Variants in UBE2H observed in about 807,000 individuals in gnomAD.
UBE2H encodes the protein ubiquitin-conjugating enzyme E2 H.
In UBE2H, 3 loss-of-function variants were observed where a neutral mutation model predicts 29.0. The ratio of observed to expected loss-of-function variants is 0.10; its 90% CI spans 0.05 to 0.27. The LOEUF (loss-of-function observed/expected upper bound fraction) is 0.27. UBE2H is among the 10% of genes least tolerant of loss of function. The pLI, the probability that UBE2H is intolerant of heterozygous loss-of-function variation, is 1.00. For synonymous variants in UBE2H, 69 were observed against 82.9 expected, an observed-to-expected ratio of 0.83 and a Z score of 0.91; for missense variants, 68 against 228.2, an observed-to-expected ratio of 0.30 and a Z score of 4.52.
At chr7:129,935,803 A>C (rs563298774) in intron 1 of UBE2H, among the ~76,000 whole-genome samples, 116 of 152,322 alleles carry the variant, frequency 7.6e-4, no homozygotes, top group Non-Finnish European at 1.1e-3. Context: ...GAAAAGTAGT[A>C]TCCTCTCAAC....
rs1307291004 is a variant in UBE2H, at chr7:129,934,941, A to ATG, written c.53+17561_53+17562insCA. On this transcript the variant is annotated intron_variant, in intron 1 of 6. Transcript: ENST00000355621. ...TGTGTATATATATGTGTATATATATATATATGTGTGTGTGTGTATATATAT... is the reference window on the plus strand; with the variant it reads ...TGTGTATATATATGTGTATATATATATGTATATGTGTGTGTGTGTATATATAT... 2.7e-3 allele frequency among the ~76,000 whole-genome samples: 401 copies of ATG among 149,970 alleles called. 1 individual carries two copies. Among genetic ancestry groups the ATG allele is most frequent in the African/African-American group, 9.2e-3 (375 of 40,672 alleles).
intron 1 of UBE2H, among the ~76,000 whole-genome samples, chr7:129,937,278 G>A (rs1027368493): frequency 9.9e-5 from 15 of 151,776 alleles, no homozygotes; most frequent in East Asian, 1.9e-4. Context: ...GCAGTGAGCC[G>A]AGATCACACA....
At chr7:129,839,421 T>A in intron 5 of UBE2H, 86 bp from the exon 6 acceptor site, 3 of 1,570,936 alleles carry the variant, frequency 1.9e-6, no homozygotes, top group Non-Finnish European at 2.6e-6. Context: ...CTGCTTACCT[T>A]CTTAGATATT....
chr7:129,879,661 T>A lies in UBE2H; in HGVS notation c.131-19A>T, dbSNP rs780236298. 3.0e-5 allele frequency: 48 copies of A among 1,600,652 alleles called. No homozygotes were observed. The highest frequency in any genetic ancestry group is 4.1e-5 in the Non-Finnish European group (48 of 1,170,662). On this transcript the variant is annotated intron_variant, in intron 2 of 6. Coordinates refer to ENST00000355621, the MANE Select transcript of UBE2H (RefSeq NM_003344.4). ...TATGGTGCTGAAATAAAAGTAAAAA[T>A]GTTCATCAGAACTACATCTCCAAAT...
chr7:129,883,387 G>A (rs185305007), intron 1 of UBE2H, among the ~76,000 whole-genome samples: 7 of 152,216 alleles, frequency 4.6e-5, no homozygotes, highest in South Asian at 2.1e-4. Context: ...CCGGAGATAC[G>A]CCCAATACAT....
rs1335276981 is a variant in UBE2H, at chr7:129,833,003, T to C, written c.*1934A>G. On this transcript the variant is annotated 3_prime_UTR_variant, in exon 7 of 7. Coordinates refer to ENST00000355621, the MANE Select transcript of UBE2H (RefSeq NM_003344.4). ...GGTAAGAGTGAAGTACACCATTACA[T>C]GTTAAATAGTTAATACTACCCTTCC... 1 of 152,146 alleles carries C rather than the reference T, an allele frequency of 6.6e-6. No individual in the cohort carries two copies. Among genetic ancestry groups the C allele is most frequent in the African/African-American group, 2.4e-5 (1 of 41,336 alleles). 9.4% of individuals were successfully genotyped at this position (152,146 alleles called of 1,614,324 possible). A position where few individuals can be genotyped will look rare whatever the true frequency, so the allele number is the denominator to read the frequency against.
chr7:129,854,000 C>T (rs1383480877), intron 5 of UBE2H, among the ~76,000 whole-genome samples: 3 of 148,180 alleles, frequency 2.0e-5, no homozygotes, highest in African/African-American at 7.5e-5. Context: ...TAGCCTTTTG[C>T]TTTTCAGTTG....
intron 3 of UBE2H, among the ~76,000 whole-genome samples, chr7:129,864,185 T>C (rs1267434817): frequency 6.6e-6 from 1 of 152,206 alleles, no homozygotes; most frequent in African/African-American, 2.4e-5. Context: ...CTGTGGGCAG[T>C]GTTTCTGGCA....
At chr7:129,920,755 A>ATG (rs756218553) in intron 1 of UBE2H, among the ~76,000 whole-genome samples, 20 of 146,002 alleles carry the variant, frequency 1.4e-4, no homozygotes, top group Non-Finnish European at 2.5e-4. Flanking sequence ...TGGGAAATGG[A>ATG]TGCTGTTCAT....
intron 1 of UBE2H, among the ~76,000 whole-genome samples, chr7:129,902,161 T>C (rs1806728800): frequency 6.6e-6 from 1 of 152,174 alleles, no homozygotes; most frequent in Non-Finnish European, 1.5e-5. Context: ...CTTTAGATCT[T>C]AGTAATCTAA....
chr7:129,936,218 T>C (rs1482499110), intron 1 of UBE2H, among the ~76,000 whole-genome samples: 1 of 152,210 alleles, frequency 6.6e-6, no homozygotes, highest in Non-Finnish European at 1.5e-5. Context: ...AAAACCATCA[T>C]GTTTTATCCA....
At chr7:129,926,583 TAC>T (rs923992943) in intron 1 of UBE2H, among the ~76,000 whole-genome samples, 8 of 151,922 alleles carry the variant, frequency 5.3e-5, no homozygotes, top group African/African-American at 1.5e-4. Flanking sequence ...TCGCTGAAAT[TAC>T]AGTCATGAGC....
intron 6 of UBE2H, among the ~76,000 whole-genome samples, chr7:129,838,026 A>C (rs1805362446): frequency 6.6e-6 from 1 of 152,216 alleles, no homozygotes; most frequent in African/African-American, 2.4e-5. Context: ...GTTTGCAGAC[A>C]TTGCTAAGTG....
intron 1 of UBE2H, among the ~76,000 whole-genome samples, chr7:129,943,458 A>G (rs1034594671): frequency 2.0e-5 from 3 of 152,236 alleles, no homozygotes; most frequent in African/African-American, 7.2e-5. Flanking sequence ...GTAGCTACCA[A>G]ATCAGCTTTA....
chr7:129,926,202 C>A (rs1807265238), intron 1 of UBE2H, among the ~76,000 whole-genome samples: 1 of 152,056 alleles, frequency 6.6e-6, no homozygotes, highest in South Asian at 2.1e-4. Flanking sequence ...CTCTGTTGCC[C>A]AGGCTGGTCT....
intron 1 of UBE2H, among the ~76,000 whole-genome samples, chr7:129,890,552 G>C (rs1368237235): frequency 1.3e-5 from 2 of 151,828 alleles, no homozygotes; most frequent in Admixed American, 1.3e-4. Context: ...GCTAATTTTT[G>C]TATTTTTAGA....
intron 5 of UBE2H, among the ~76,000 whole-genome samples, chr7:129,852,978 G>C (rs1020355172): frequency 6.6e-5 from 10 of 152,124 alleles, no homozygotes; most frequent in African/African-American, 2.4e-4. Context: ...CGCCTGCCTT[G>C]TCCTCCCAAA....
chr7:129,919,197 G>C (rs1366928451), intron 1 of UBE2H, among the ~76,000 whole-genome samples: 4 of 149,748 alleles, frequency 2.7e-5, no homozygotes, highest in Admixed American at 2.7e-4. Flanking sequence ...ACCAACTCTA[G>C]TTCAAAGGAA....
intron 1 of UBE2H, among the ~76,000 whole-genome samples, chr7:129,940,683 G>A (rs917596753): frequency 3.3e-5 from 5 of 152,150 alleles, no homozygotes; most frequent in Non-Finnish European, 5.9e-5. Flanking sequence ...GGCTTCCCCA[G>A]GCTCTTGAGG....
Sources: allele counts gnomAD v4.1 joint callset (sites outside exome capture counted in the v4.1 genomes callset), GRCh38; gene constraint gnomAD v4.1.1; transcripts MANE v1.5; gene names NCBI Gene and HGNC (gene_info 2026-07-23, HGNC 2026-07-21).